The following RYR2 variants were observed in gnomAD, a reference collection of about 807,000 sequenced individuals.
RYR2 encodes ryanodine receptor 2.
A neutral mutation model predicts 601.1 loss-of-function variants in RYR2; 227 were observed. That is an observed-to-expected ratio of 0.38 (90% CI 0.34 to 0.42). The LOEUF (loss-of-function observed/expected upper bound fraction) is 0.42. Ranked by LOEUF, RYR2 falls within the 10% of genes least tolerant of loss-of-function variation. The pLI is 1.00. For synonymous variants in RYR2, 2,223 were observed against 2,175.1 expected (o/e 1.02, Z -0.61); for missense variants, 4,646 against 6,156.5 (o/e 0.75, Z 8.21).
chr1:237,042,875 C>G (rs1196886335), intron 1 of RYR2, among the ~76,000 whole-genome samples: 1 of 152,114 alleles, frequency 6.6e-6, no homozygotes, highest in East Asian at 2.0e-4. Flanking sequence ...GCTGCGGGAA[C>G]CGGGAGAGGA....
At chr1:237,405,918 T>A in intron 10 of RYR2, among the ~76,000 whole-genome samples, 1 of 150,868 alleles carries the variant, frequency 6.6e-6, no homozygotes, top group East Asian at 2.0e-4. Context: ...TAACTTTATC[T>A]CTTCATCCCA....
intron 12 of RYR2, among the ~76,000 whole-genome samples, chr1:237,431,861 A>G (rs116071788): frequency 0.012 from 1,806 of 152,300 alleles, 45 homozygotes; most frequent in African/African-American, 0.041. Flanking sequence ...ACTTTGCACC[A>G]GTATTTATTC....
intron 71 of RYR2, among the ~76,000 whole-genome samples, chr1:237,713,725 A>C (rs1014313306): frequency 6.6e-6 from 1 of 152,096 alleles, no homozygotes; most frequent in Non-Finnish European, 1.5e-5. Flanking sequence ...ATATATATAG[A>C]TAGATAGATA....
intron 25 of RYR2, 107 bp downstream of exon 25, chr1:237,530,617 A>G (rs2147941483): frequency 1.0e-6 from 1 of 955,568 alleles, no homozygotes; most frequent in East Asian, 2.7e-5. Flanking sequence ...AAGCTTTAAA[A>G]TTCAGATTCA....
chr1:237,538,541 G>A (rs569306346), intron 25 of RYR2, among the ~76,000 whole-genome samples: 16 of 150,790 alleles, frequency 1.1e-4, no homozygotes, highest in East Asian at 9.8e-4. Context: ...GGAGGCCAAC[G>A]CAGGCGGATC....
chr1:237,122,681 AAAACAAACAAAC>A (rs147076319), intron 1 of RYR2, among the ~76,000 whole-genome samples: 63 of 150,718 alleles, frequency 4.2e-4, no homozygotes, highest in Middle Eastern at 3.4e-3. Context: ...GACCGTCTCA[AAAACAAACAAAC>A]AAACAAACAA....
intron 2 of RYR2, among the ~76,000 whole-genome samples, chr1:237,290,265 C>T (rs1012793920): frequency 6.6e-6 from 1 of 152,134 alleles, no homozygotes; most frequent in African/African-American, 2.4e-5. Flanking sequence ...GCACTAAAGA[C>T]TGTATACCAA....
intron 59 of RYR2, 145 bp from the exon 60 acceptor site, chr1:237,674,586 A>G (rs1238023250): frequency 4.5e-6 from 2 of 446,460 alleles, no homozygotes; most frequent in Admixed American, 3.8e-5. Flanking sequence ...TTTGAGCTAC[A>G]ATAACATTAG....
In RYR2 at chr1:237,699,810, A is replaced by G. The variant is rs568229073; in HGVS notation, c.9129-419A>G. The stretch of plus-strand genomic sequence containing the variant: ...AAAGACTTGATTGCTACACCTTAAA[A>G]CACAAACATTCTGTATCATTTGTTG... On this transcript the variant is annotated intron_variant, in intron 64 of 104. Coordinates refer to ENST00000366574, the MANE Select transcript of RYR2 (RefSeq NM_001035.3). Among the ~76,000 whole-genome samples, 3 of 152,356 alleles carry G rather than the reference A, an allele frequency of 2.0e-5. No homozygotes were observed. In the South Asian group the frequency reaches 6.2e-4, roughly 32 times the overall value.
intron 87 of RYR2, among the ~76,000 whole-genome samples, chr1:237,775,872 T>C (rs2149326512): frequency 6.6e-6 from 1 of 152,142 alleles, no homozygotes; most frequent in East Asian, 1.9e-4. Context: ...TCCCAGAAGC[T>C]GAGGACCTAA....
intron 1 of RYR2, among the ~76,000 whole-genome samples, chr1:237,104,187 G>A (rs906448099): frequency 2.0e-5 from 3 of 152,068 alleles, no homozygotes; most frequent in Non-Finnish European, 2.9e-5. Context: ...CATCATCCAT[G>A]GAACGTGCCT....
In RYR2 at chr1:237,643,333, C is replaced by G; in HGVS notation, c.7228C>G (p.His2410Asp). 1 of 1,613,182 alleles carries G rather than the reference C, an allele frequency of 6.2e-7. No individual in the cohort carries two copies. The highest frequency in any genetic ancestry group is 8.5e-7 in the Non-Finnish European group (1 of 1,179,544). Residue 2410 changes from histidine to aspartate, a missense_variant, in exon 48 of 105, where the codon CAT becomes GAT. By Grantham distance (81) the His-to-Asp change is moderately conservative (BLOSUM62 -1). Coordinates refer to ENST00000366574, the MANE Select transcript of RYR2 (RefSeq NM_001035.3). ...TTTTTTTTCCCCTGTATAGTTGATTCATGCCGGGAAGGGAGAAGCCATCAG... is the reference window on the plus strand; with the variant it reads ...TTTTTTTTCCCCTGTATAGTTGATTGATGCCGGGAAGGGAGAAGCCATCAG... The part of the protein sequence containing the change: ...GRCAPEMHLI[H>D]AGKGEAIRIR...
chr1:237,777,113 C>T (rs1328859121), intron 87 of RYR2, among the ~76,000 whole-genome samples: 2 of 152,180 alleles, frequency 1.3e-5, no homozygotes, highest in African/African-American at 2.4e-5. Context: ...CCTGAAGCCT[C>T]TTCTCTCACT....
intron 25 of RYR2, among the ~76,000 whole-genome samples, chr1:237,541,105 A>G (rs574088217): frequency 6.6e-6 from 1 of 152,324 alleles, no homozygotes; most frequent in South Asian, 2.1e-4. Flanking sequence ...ATTTTTCTGT[A>G]AAGATGAGGC....
At chr1:237,439,774 A>G (rs534402291) in intron 12 of RYR2, among the ~76,000 whole-genome samples, 22 of 152,164 alleles carry the variant, frequency 1.4e-4, no homozygotes, top group Non-Finnish European at 1.9e-4. Flanking sequence ...TTCTTAATAT[A>G]TAATCCATGC....
chr1:237,493,846 T>A (rs1231128938), intron 19 of RYR2, among the ~76,000 whole-genome samples: 1 of 152,194 alleles, frequency 6.6e-6, no homozygotes, highest in African/African-American at 2.4e-5. Context: ...AAACTACATC[T>A]TCAGTTAGAT....
chr1:237,594,886 GTTTTTTTTT>G lies in RYR2; in HGVS notation c.4437-575_4437-567del, dbSNP rs776702428. Among the ~76,000 whole-genome samples, 16 of 60,412 alleles carry G rather than the reference GTTTTTTTTT, an allele frequency of 2.6e-4. No homozygotes were observed. In the East Asian group the frequency reaches 2.7e-3, roughly 10 times the overall value. The allele number at this position is 60,412 out of a possible 152,430, so 39.6% of individuals were successfully genotyped here. A position where few individuals can be genotyped will look rare whatever the true frequency, so the allele number is the denominator to read the frequency against. ...TGGCATTTGTGGTTAATATCACTGG[GTTTTTTTTT>G]TTTTTTTTTTTTTTTTTTTTTTTTT... On this transcript the variant is annotated intron_variant, in intron 33 of 104. Coordinates refer to ENST00000366574, the MANE Select transcript of RYR2 (RefSeq NM_001035.3).
chr1:237,109,417 A>T (rs917615631), intron 1 of RYR2, among the ~76,000 whole-genome samples: 2 of 151,970 alleles, frequency 1.3e-5, no homozygotes, highest in Non-Finnish European at 2.9e-5. Context: ...TGAAAGGAAG[A>T]TTTTTTGCAT....
At position 237,387,333 on chromosome 1, in the gene RYR2, C is replaced by T. The variant is rs371086868; in HGVS notation, c.629C>T (p.Thr210Ile). Reference sequence around the variant, plus strand: ...CACGTGGATGCCGCTTTCCAGCAGACTCTCTGGAGCGTGGCCCCAATCAGC... The same window carrying T: ...CACGTGGATGCCGCTTTCCAGCAGATTCTCTGGAGCGTGGCCCCAATCAGC... Reference protein sequence around the residue: ...SLHVDAAFQQTLWSVAPISSG... With the variant: ...SLHVDAAFQQILWSVAPISSG... Residue 210 changes from threonine to isoleucine, a missense_variant, in exon 9 of 105, where the codon ACT becomes ATT. By Grantham distance (89) the Thr-to-Ile change is moderately conservative (BLOSUM62 -1). Around this residue, in one of 17 missense-constraint regions of RYR2, gnomAD observed 87 missense variants for 144.7 expected, o/e 0.60. Transcript: ENST00000366574. 9.9e-6 allele frequency: 16 copies of T among 1,613,910 alleles called. No homozygotes were observed. In the African/African-American group the frequency reaches 2.0e-4, roughly 20 times the overall value.
Sources: allele counts gnomAD v4.1 joint callset (sites outside exome capture counted in the v4.1 genomes callset), GRCh38; gene constraint gnomAD v4.1.1; regional missense constraint gnomAD v4.1.1; transcripts MANE v1.5; gene names NCBI Gene and HGNC (gene_info 2026-07-23, HGNC 2026-07-21).